CDH23: variants seen among roughly 807,000 people sequenced by gnomAD.
CDH23 encodes cadherin-23.
CDH23 carries 189 observed loss-of-function variants against 317.1 expected under a neutral mutation model. The observed-to-expected ratio is 0.60, with a 90% CI of 0.53 to 0.67. CDH23 has a LOEUF of 0.67. CDH23 is among the 30% of genes least tolerant of loss of function. CDH23 has a pLI of 0.00. For synonymous variants in CDH23, 1,839 were observed against 1,876.8 expected, an observed-to-expected ratio of 0.98 and a Z score of 0.52; for missense variants, 4,401 against 4,592.4, an observed-to-expected ratio of 0.96 and a Z score of 1.20.
At chr10:71,472,661 C>T (rs1023220055) in intron 3 of CDH23, among the ~76,000 whole-genome samples, 9 of 152,206 alleles carry the variant, frequency 5.9e-5, no homozygotes, top group African/African-American at 9.6e-5. Context: ...TACTCCACAG[C>T]GAAGCGAGGC....
chr10:71,534,619 C>G (rs112015878), intron 6 of CDH23, among the ~76,000 whole-genome samples: 40 of 152,334 alleles, frequency 2.6e-4, no homozygotes, highest in African/African-American at 7.5e-4. Flanking sequence ...GCCACCACCC[C>G]CTATGTCAGA....
chr10:71,480,403 C>T lies in CDH23; in HGVS notation c.146-29679C>T, dbSNP rs371604525. On this transcript the variant is annotated intron_variant, in intron 3 of 69. Coordinates refer to ENST00000224721, the MANE Select transcript of CDH23 (RefSeq NM_022124.6). ...TGAGCAGGATGCAGACACTGCTGTC[C>T]GGGTCGGACGGGGGCTAGACTAACA... Among the ~76,000 whole-genome samples the T allele has an allele frequency of 7.8e-4, 118 of 152,226 alleles. 1 individual carries two copies. Among genetic ancestry groups the T allele is most frequent in the South Asian group, 2.3e-3 (11 of 4,830 alleles).
Position 71,802,042 on chromosome 10 carries a change from T to C in CDH23, c.7483-856T>C, listed in dbSNP as rs147644491. Among the ~76,000 whole-genome samples, 599 of 152,320 alleles carry C rather than the reference T, an allele frequency of 3.9e-3. 6 individuals are homozygous for C. Among genetic ancestry groups the C allele is most frequent in the African/African-American group, 0.011 (457 of 41,560 alleles). ...CGGCTGCTGGCCGGAGCATGGTGGC[T>C]CATGCCTGTAATCCCAGCACTTTGG... On this transcript the variant is annotated intron_variant, in intron 53 of 69. Coordinates refer to ENST00000224721, the MANE Select transcript of CDH23 (RefSeq NM_022124.6).
At chr10:71,687,512 C>A in intron 18 of CDH23, 135 bp from the exon 19 acceptor site, 1 of 745,496 alleles carries the variant, frequency 1.3e-6, no homozygotes, top group South Asian at 1.5e-5. Flanking sequence ...CCTCACCTGG[C>A]TCTGGTTATA....
chr10:71,564,282 C>T (rs1018544864), intron 6 of CDH23, among the ~76,000 whole-genome samples: 4 of 152,184 alleles, frequency 2.6e-5, no homozygotes, highest in African/African-American at 9.7e-5. Flanking sequence ...TGCTGATGAG[C>T]GCCCCTCCTT....
intron 18 of CDH23, among the ~76,000 whole-genome samples, chr10:71,685,536 G>A (rs891848938): frequency 2.6e-5 from 4 of 152,210 alleles, no homozygotes; most frequent in African/African-American, 9.7e-5. Context: ...GAGGTGGGTG[G>A]GGGTAAGAAC....
At chr10:71,670,429 C>T (rs7079143) in intron 14 of CDH23, among the ~76,000 whole-genome samples, 8,341 of 152,262 alleles carry the variant, frequency 0.055, 759 homozygotes, top group African/African-American at 0.19. Context: ...AAGTGGGGCA[C>T]ACACAGACAG....
intron 19 of CDH23, among the ~76,000 whole-genome samples, chr10:71,688,605 G>A (rs200364067): frequency 1.4e-5 from 2 of 145,780 alleles, no homozygotes; most frequent in Admixed American, 6.8e-5. Flanking sequence ...GTCAGGGGTG[G>A]TGGAGCCAGG....
intron 3 of CDH23, among the ~76,000 whole-genome samples, chr10:71,485,798 A>C (rs1214498548): frequency 1.3e-5 from 2 of 152,208 alleles, no homozygotes; most frequent in African/African-American, 4.8e-5. Context: ...GATGGGTGTC[A>C]TCCTGCCCTC....
At chr10:71,490,955 G>A (rs1474883594) in intron 3 of CDH23, among the ~76,000 whole-genome samples, 2 of 151,950 alleles carry the variant, frequency 1.3e-5, no homozygotes, top group African/African-American at 4.8e-5. Context: ...TATTAAGAGG[G>A]GCTGAGATCA....
At chr10:71,469,009 G>A (rs1172313318) in intron 3 of CDH23, among the ~76,000 whole-genome samples, 1 of 152,138 alleles carries the variant, frequency 6.6e-6, no homozygotes, top group African/African-American at 2.4e-5. Context: ...CCCTCCAAGA[G>A]CCCCAAAGCA....
intron 9 of CDH23, among the ~76,000 whole-genome samples, chr10:71,606,604 C>G (rs1036625341): frequency 6.6e-6 from 1 of 152,214 alleles, no homozygotes; most frequent in Non-Finnish European, 1.5e-5. Context: ...CTTGGGGAAA[C>G]CAGTCCTGCC....
At chr10:71,519,975 G>A (rs1854571486) in intron 6 of CDH23, among the ~76,000 whole-genome samples, 1 of 151,910 alleles carries the variant, frequency 6.6e-6, no homozygotes, top group African/African-American at 2.4e-5. Context: ...TTTTTGTAGG[G>A]CCACCAGCAT....
intron 55 of CDH23, among the ~76,000 whole-genome samples, chr10:71,804,943 G>C (rs570769054): frequency 6.6e-6 from 1 of 152,118 alleles, no homozygotes; most frequent in Non-Finnish European, 1.5e-5. Context: ...CCCTTCAAGG[G>C]CTTTGCATTT....
At chr10:71,629,034 G>A (rs887495644) in intron 11 of CDH23, among the ~76,000 whole-genome samples, 4 of 152,180 alleles carry the variant, frequency 2.6e-5, no homozygotes, top group African/African-American at 4.8e-5. Context: ...AGGCGCCCAC[G>A]GGCCTCTGGC....
chr10:71,742,118 G>GT, intron 38 of CDH23, 197 bp downstream of exon 38: 1 of 595,556 alleles, frequency 1.7e-6, no homozygotes. Context: ...CAAAGCTGGG[G>GT]TGCTAGTTTG....
intron 6 of CDH23, among the ~76,000 whole-genome samples, chr10:71,551,801 G>A (rs897448376): frequency 1.3e-5 from 2 of 152,128 alleles, no homozygotes; most frequent in African/African-American, 4.8e-5. Context: ...AGACACAATA[G>A]ACCAAGGAAT....
At chr10:71,626,699 G>C (rs1861751938) in intron 11 of CDH23, among the ~76,000 whole-genome samples, 1 of 152,164 alleles carries the variant, frequency 6.6e-6, no homozygotes, top group East Asian at 1.9e-4. Context: ...GGGAAAGAAG[G>C]GGGCAGGCTG....
intron 11 of CDH23, among the ~76,000 whole-genome samples, chr10:71,620,862 A>G (rs1395742975): frequency 2.0e-5 from 3 of 152,138 alleles, no homozygotes; most frequent in Admixed American, 6.5e-5. Context: ...CTCATTCCTC[A>G]ATAAGAGGGA....
Sources: allele counts gnomAD v4.1 joint callset (sites outside exome capture counted in the v4.1 genomes callset), GRCh38; gene constraint gnomAD v4.1.1; transcripts MANE v1.5; gene names NCBI Gene and HGNC (gene_info 2026-07-23, HGNC 2026-07-21).